TBCD: variants seen among roughly 807,000 people sequenced by gnomAD.
TBCD encodes the protein tubulin-specific chaperone D.
A neutral mutation model predicts 169.3 loss-of-function variants in TBCD; 105 were observed. That is an observed-to-expected ratio of 0.62 (90% CI 0.53 to 0.73). TBCD has a LOEUF of 0.73. TBCD is among the 30% of genes least tolerant of loss of function. The pLI is 0.00. For synonymous variants in TBCD, 700 were observed against 643.9 expected (o/e 1.09, Z -1.32); for missense variants, 1,444 against 1,600.1 (o/e 0.90, Z 1.66).
chr17:82,875,581 G>A (rs182786179), intron 14 of TBCD, among the ~76,000 whole-genome samples: 496 of 152,308 alleles, frequency 3.3e-3, no homozygotes, highest in Middle Eastern at 6.8e-3. Flanking sequence ...CCTCCACCTC[G>A]AGCAAACCTG....
In TBCD at chr17:82,930,359, G is replaced by T. The variant is rs2062096306; in HGVS notation, c.2992-163G>T. On this transcript the variant is annotated intron_variant, in intron 32 of 38. Coordinates refer to ENST00000355528, the MANE Select transcript of TBCD (RefSeq NM_005993.5). This position sits in a 1 kb window ranked among gnomAD's most constrained non-coding sequence, Gnocchi z 5.2. ...GCTTCGGGTGTCTGCACTGTGAGTG[G>T]CTCCGTGCTGGCGTCCGCACCAGCC... 2 of 986,358 alleles carry T rather than the reference G, an allele frequency of 2.0e-6. No homozygotes were observed. The allele number at this position is 986,358 out of a possible 1,614,324, so 61.1% of individuals were successfully genotyped here. A position where few individuals can be genotyped will look rare whatever the true frequency, so the allele number is the denominator to read the frequency against.
At chr17:82,855,512 C>T (rs2056199282) in intron 13 of TBCD, among the ~76,000 whole-genome samples, 1 of 152,002 alleles carries the variant, frequency 6.6e-6, no homozygotes, top group Admixed American at 6.6e-5. Context: ...ACGTGATCTA[C>T]TCACCTCGGC....
chr17:82,942,024 A>C, intron 38 of TBCD: 1 of 267,910 alleles, frequency 3.7e-6, no homozygotes, highest in Non-Finnish European at 7.0e-6. Flanking sequence ...AGGAGGTTAT[A>C]TCTGAGAGGG....
intron 16 of TBCD, among the ~76,000 whole-genome samples, chr17:82,892,283 G>A (rs1370096677): frequency 3.3e-5 from 5 of 152,108 alleles, no homozygotes; most frequent in African/African-American, 1.2e-4. Context: ...GCATGGAGTT[G>A]TACCCCAGTG....
chr17:82,775,391 C>T (rs533962705), intron 6 of TBCD, among the ~76,000 whole-genome samples: 6 of 152,182 alleles, frequency 3.9e-5, no homozygotes, highest in Non-Finnish European at 7.3e-5. Context: ...CCAGACTCAC[C>T]GCAGGTTCTG....
chr17:82,941,546 G>C, intron 38 of TBCD, 63 bp downstream of exon 38: 1 of 1,451,448 alleles, frequency 6.9e-7, no homozygotes, highest in Non-Finnish European at 9.4e-7. Context: ...AATGTTCTGG[G>C]GCCAGCGGCT....
Position 82,923,861 on chromosome 17 carries a change from G to A in TBCD, c.2260+128G>A, listed in dbSNP as rs2061563311. The A allele has an allele frequency of 2.7e-6, 2 of 727,814 alleles. No individual in the cohort carries two copies. The highest frequency in any genetic ancestry group is 1.8e-5 in the African/African-American group (1 of 55,864). 45.1% of individuals were successfully genotyped at this position (727,814 alleles called of 1,614,324 possible). A position where few individuals can be genotyped will look rare whatever the true frequency, so the allele number is the denominator to read the frequency against. On this transcript the variant is annotated intron_variant, in intron 26 of 38. Transcript: ENST00000355528. The surrounding 1 kb of genome is among the most constrained non-coding windows in gnomAD (Gnocchi z 4.6). ...AGCCACCACGATCATGGCTGGAGTGGGACTGTTCGGGTCTCAGGTTCCCAG... is the reference window on the plus strand; with the variant it reads ...AGCCACCACGATCATGGCTGGAGTGAGACTGTTCGGGTCTCAGGTTCCCAG...
intron 9 of TBCD, among the ~76,000 whole-genome samples, chr17:82,803,231 C>G (rs2050705414): frequency 6.6e-6 from 1 of 152,184 alleles, no homozygotes; most frequent in Admixed American, 6.5e-5. Context: ...TCTTTTCCTC[C>G]AGGGATTGGT....
chr17:82,835,433 C>A lies in TBCD; in HGVS notation c.1318+20499C>A, dbSNP rs934681232. Among the ~76,000 whole-genome samples, 1 of 147,048 alleles carries A rather than the reference C, an allele frequency of 6.8e-6. No homozygotes were observed. Among genetic ancestry groups the A allele is most frequent in the East Asian group, 2.0e-4 (1 of 5,036 alleles). On this transcript the variant is annotated intron_variant, in intron 13 of 38. Coordinates refer to ENST00000355528, the MANE Select transcript of TBCD (RefSeq NM_005993.5). The surrounding 1 kb of genome is among the most constrained non-coding windows in gnomAD (Gnocchi z 4.5). ...TTTATTCATATTTCTTTCTTTCTTT[C>A]TTTTTTGAGACGGAGTTTTGGTCTT...
chr17:82,893,736 C>A, intron 17 of TBCD, 104 bp downstream of exon 17: 1 of 790,562 alleles, frequency 1.3e-6, no homozygotes, highest in Non-Finnish European at 2.0e-6. Flanking sequence ...AATGTCCACT[C>A]AATGGAATGT....
chr17:82,756,283 G>C, intron 2 of TBCD, 68 bp downstream of exon 2: 1 of 1,424,616 alleles, frequency 7.0e-7, no homozygotes, highest in Non-Finnish European at 9.7e-7. Context: ...GGTGTGTGGT[G>C]CTGGCACATG....
intron 13 of TBCD, among the ~76,000 whole-genome samples, chr17:82,826,965 T>A (rs1334490109): frequency 6.6e-6 from 1 of 151,792 alleles, no homozygotes; most frequent in African/African-American, 2.4e-5. Context: ...GAGACGGTGT[T>A]TTTCCATGTT....
chr17:82,940,556 C>T (rs949757152), intron 37 of TBCD, among the ~76,000 whole-genome samples: 5 of 152,176 alleles, frequency 3.3e-5, no homozygotes, highest in African/African-American at 9.7e-5. Context: ...ACCAGGCAGC[C>T]GCTGTGGCCT....
At chr17:82,859,901 A>G (rs960622915) in intron 13 of TBCD, 6 of 985,138 alleles carry the variant, frequency 6.1e-6, no homozygotes, top group South Asian at 4.7e-5. Flanking sequence ...CAGGCTTGTC[A>G]TTGTGCACTG....
In TBCD at chr17:82,757,906, G is replaced by T. The variant is rs983610694; in HGVS notation, c.235+1691G>T. Reference sequence around the variant, plus strand: ...TGTGAGCGCTGGTTCCCAGGAAACAGATGTGGTCACTGCTCACAAGGTAGC... The same window carrying T: ...TGTGAGCGCTGGTTCCCAGGAAACATATGTGGTCACTGCTCACAAGGTAGC... On this transcript the variant is annotated intron_variant, in intron 2 of 38. Coordinates refer to ENST00000355528, the MANE Select transcript of TBCD (RefSeq NM_005993.5). Among the ~76,000 whole-genome samples the T allele has an allele frequency of 4.6e-5, 7 of 152,276 alleles. No homozygotes were observed. The East Asian group carries it at 1.4e-3, about 29-fold the overall frequency.
intron 5 of TBCD, 39 bp downstream of exon 5, chr17:82,768,605 C>T: frequency 3.7e-6 from 6 of 1,603,388 alleles, no homozygotes; most frequent in Non-Finnish European, 5.1e-6. Flanking sequence ...AATTAGTACT[C>T]ACTTTCATGT....
intron 13 of TBCD, among the ~76,000 whole-genome samples, chr17:82,826,274 T>C (rs1420345284): frequency 6.6e-6 from 1 of 152,130 alleles, no homozygotes; most frequent in African/African-American, 2.4e-5. Context: ...AAGGTGCTAG[T>C]TACTTAGAAG....
Position 82,903,506 on chromosome 17 carries a change from G to A in TBCD, c.1804+28G>A, listed in dbSNP as rs1224521517. ...GGGTGTGTGTCCCGGCCGGCCTGCG[G>A]GCACCATGCATGCACTGCAGAAAGG... On this transcript the variant is annotated intron_variant, in intron 19 of 38. Transcript: ENST00000355528. The surrounding 1 kb of genome is among the most constrained non-coding windows in gnomAD (Gnocchi z 4.8). 3 of 1,570,468 alleles carry A rather than the reference G, an allele frequency of 1.9e-6. No homozygotes were observed. The highest frequency in any genetic ancestry group is 4.7e-5 in the East Asian group (2 of 42,396).
chr17:82,779,180 T>G (rs530794833), intron 6 of TBCD, among the ~76,000 whole-genome samples: 1 of 152,018 alleles, frequency 6.6e-6, no homozygotes, highest in South Asian at 2.1e-4. Context: ...CCCAGCTAAT[T>G]TTTTAATATT....
Sources: allele counts gnomAD v4.1 joint callset (sites outside exome capture counted in the v4.1 genomes callset), GRCh38; gene constraint gnomAD v4.1.1; non-coding constraint Gnocchi (gnomAD v3.1); transcripts MANE v1.5; gene names NCBI Gene and HGNC (gene_info 2026-07-23, HGNC 2026-07-21).